Variants in PDE7B observed in about 807,000 individuals in gnomAD.
The protein encoded by PDE7B is 3',5'-cyclic-AMP phosphodiesterase 7B.
A neutral mutation model predicts 56.2 loss-of-function variants in PDE7B; 29 were observed. The observed-to-expected ratio is 0.52, with a 90% CI of 0.38 to 0.70. PDE7B has a LOEUF of 0.70. PDE7B is among the 30% of genes least tolerant of loss of function. The pLI, the probability that PDE7B is intolerant of heterozygous loss-of-function variation, is 0.00. For missense variants in PDE7B, 490 were observed against 565.0 expected, an observed-to-expected ratio of 0.87 and a Z score of 1.35; for synonymous variants, 197 against 196.9, an observed-to-expected ratio of 1.00 and a Z score of 0.00.
At chr6:136,019,251 C>T (rs1420354869) in intron 2 of PDE7B, among the ~76,000 whole-genome samples, 1 of 151,976 alleles carries the variant, frequency 6.6e-6, no homozygotes, top group Non-Finnish European at 1.5e-5. Flanking sequence ...TAGTAAATTA[C>T]AGGGTGCTTT....
At chr6:135,904,169 C>A (rs940877500) in intron 1 of PDE7B, among the ~76,000 whole-genome samples, 1 of 152,128 alleles carries the variant, frequency 6.6e-6, no homozygotes, top group African/African-American at 2.4e-5. Flanking sequence ...GCTTTTAAGG[C>A]CAGAATATTT....
chr6:136,041,723 C>A (rs1037817220), intron 2 of PDE7B, among the ~76,000 whole-genome samples: 1 of 152,162 alleles, frequency 6.6e-6, no homozygotes, highest in Non-Finnish European at 1.5e-5. Context: ...TGAACTGTAC[C>A]CAATTATTTA....
In PDE7B at chr6:136,194,061, AAG is replaced by A. The variant is rs929485416; in HGVS notation, c.*2225_*2226del. 2.0e-5 allele frequency: 3 copies of A among 152,116 alleles called. No homozygotes were observed. The highest frequency in any genetic ancestry group is 1.3e-4 in the Admixed American group (2 of 15,262). 9.4% of individuals were successfully genotyped at this position (152,116 alleles called of 1,614,324 possible). ...AGTTCTCAGCTTGGTGAGGCTCCAA[AAG>A]AGAATATGTCAGATGTATTCCTACT... On this transcript the variant is annotated 3_prime_UTR_variant, in exon 13 of 13. Transcript: ENST00000308191.
Position 135,957,196 on chromosome 6 carries a change from C to A in PDE7B, c.82+9672C>A, listed in dbSNP as rs1362111273. On this transcript the variant is annotated intron_variant, in intron 2 of 12. Coordinates refer to ENST00000308191, the MANE Select transcript of PDE7B (RefSeq NM_018945.4). ...TGGAAGAGTTTCCATCTGATTGCTT[C>A]CCTTCTTTTTAAGAAGGAAATATGG... Among the ~76,000 whole-genome samples, 4 of 152,030 alleles carry A rather than the reference C, an allele frequency of 2.6e-5. 1 individual carries two copies. Among genetic ancestry groups the A allele is most frequent in the Admixed American group, 2.0e-4 (3 of 15,266 alleles).
At chr6:135,998,030 T>G (rs537083488) in intron 2 of PDE7B, among the ~76,000 whole-genome samples, 1 of 152,300 alleles carries the variant, frequency 6.6e-6, no homozygotes, top group Non-Finnish European at 1.5e-5. Context: ...GTTAGGCAAG[T>G]CTCTACTGCA....
At chr6:135,969,397 A>T (rs1364301786) in intron 2 of PDE7B, among the ~76,000 whole-genome samples, 2 of 152,198 alleles carry the variant, frequency 1.3e-5, no homozygotes, top group Non-Finnish European at 2.9e-5. Flanking sequence ...TAGCTTTGAA[A>T]GAAACTTCTC....
At chr6:135,873,023 C>A (rs905469929) in intron 1 of PDE7B, among the ~76,000 whole-genome samples, 2 of 152,130 alleles carry the variant, frequency 1.3e-5, no homozygotes, top group African/African-American at 2.4e-5. Context: ...ATACTTCATT[C>A]TGTAAATAGA....
chr6:135,892,948 C>T (rs2128190380), intron 1 of PDE7B, among the ~76,000 whole-genome samples: 1 of 152,250 alleles, frequency 6.6e-6, no homozygotes, highest in South Asian at 2.1e-4. Flanking sequence ...TCTCTTCTAC[C>T]CATAATCTTG....
At position 135,946,702 on chromosome 6, in the gene PDE7B, C is replaced by T. The variant is rs113310250; in HGVS notation, c.22-762C>T. Among the ~76,000 whole-genome samples the T allele has an allele frequency of 7.9e-3, 1,206 of 152,118 alleles. 21 individuals are homozygous for T. Among genetic ancestry groups the T allele is most frequent in the African/African-American group, 0.027 (1,115 of 41,520 alleles). ...TTTATTGACCATTCAGATTTTTCCTCGTCTATGAATTGCTTGCTCATGTAC... is the reference window on the plus strand; with the variant it reads ...TTTATTGACCATTCAGATTTTTCCTTGTCTATGAATTGCTTGCTCATGTAC... On this transcript the variant is annotated intron_variant, in intron 1 of 12. Transcript: ENST00000308191.
intron 3 of PDE7B, among the ~76,000 whole-genome samples, chr6:136,138,550 G>C (rs1009933331): frequency 6.6e-6 from 1 of 151,992 alleles, no homozygotes; most frequent in Non-Finnish European, 1.5e-5. Context: ...TTCCCCTTTA[G>C]AAAGCTACCT....
At position 136,038,147 on chromosome 6, in the gene PDE7B, G is replaced by T. The variant is rs553510251; in HGVS notation, c.83-70584G>T. ...CGAAGCTGGAGAGGATCTTACGGGG[G>T]TTCGCTTTTCCCTGCCTGGGAAGAA... On this transcript the variant is annotated intron_variant, in intron 2 of 12. Transcript: ENST00000308191. 6 of 1,301,118 alleles carry T rather than the reference G, an allele frequency of 4.6e-6. No homozygotes were observed. The East Asian group carries it at 2.1e-4, about 45-fold the overall frequency. 80.6% of individuals were successfully genotyped at this position (1,301,118 alleles called of 1,614,324 possible). A position where few individuals can be genotyped will look rare whatever the true frequency, so the allele number is the denominator to read the frequency against.
rs1381984300 is a variant in PDE7B at position 135,935,212 on chromosome 6, ATATATT to A, written c.22-12250_22-12245del. 5.9e-4 allele frequency among the ~76,000 whole-genome samples: 54 copies of A among 92,272 alleles called. 11 individuals carry two copies. The highest frequency in any genetic ancestry group is 2.7e-3 in the African/African-American group (52 of 19,364). The allele number at this position is 92,272 out of a possible 152,430, so 60.5% of individuals were successfully genotyped here. A position where few individuals can be genotyped will look rare whatever the true frequency, so the allele number is the denominator to read the frequency against. On this transcript the variant is annotated intron_variant, in intron 1 of 12. Transcript: ENST00000308191. ...TATTTATATATATATATATATATAT[ATATATT>A]TTCATGATTCTTGCTCTCCAGGAAA...
intron 11 of PDE7B, among the ~76,000 whole-genome samples, chr6:136,183,509 T>A (rs1779100081): frequency 6.9e-6 from 1 of 144,592 alleles, no homozygotes. Context: ...GGCAGGAGAA[T>A]GGCATGAACC....
intron 8 of PDE7B, among the ~76,000 whole-genome samples, chr6:136,171,249 T>C (rs1445206323): frequency 2.0e-5 from 3 of 152,162 alleles, no homozygotes; most frequent in Non-Finnish European, 4.4e-5. Flanking sequence ...AGGACAGGAA[T>C]GTTAAGATAA....
chr6:136,147,499 A>T lies in PDE7B; in HGVS notation c.315A>T (p.Ala105=). 1 of 1,613,724 alleles carries T rather than the reference A, an allele frequency of 6.2e-7. No individual in the cohort carries two copies. Among genetic ancestry groups the T allele is most frequent in the South Asian group, 1.1e-5 (1 of 91,060 alleles). Residue 105 remains alanine (A), a synonymous_variant, in exon 4 of 13, where the codon GCA becomes GCT. Transcript: ENST00000308191. ...TGGATGAAGACTACCTTGGACAAGC[A>T]AGGGTAAGCTGACTGCCCCATCTCC... is the stretch of plus-strand genomic sequence containing the variant. ...HLLDEDYLGQ[A]RHMLSKVGMW...
chr6:135,996,669 C>G (rs893296247), intron 2 of PDE7B, among the ~76,000 whole-genome samples: 4 of 152,148 alleles, frequency 2.6e-5, no homozygotes, highest in African/African-American at 4.8e-5. Flanking sequence ...GTGTCAAATG[C>G]TAAACAGCAG....
intron 4 of PDE7B, among the ~76,000 whole-genome samples, chr6:136,148,665 T>C (rs1038088319): frequency 6.6e-6 from 1 of 152,116 alleles, no homozygotes; most frequent in Non-Finnish European, 1.5e-5. Context: ...AAGCCTTAAC[T>C]TCCCCAGCCC....
chr6:136,150,112 CAG>C (rs374815369), intron 5 of PDE7B, among the ~76,000 whole-genome samples: 101 of 152,196 alleles, frequency 6.6e-4, no homozygotes, highest in African/African-American at 2.3e-3. Context: ...GACCACATGA[CAG>C]AGATTTTCTT....
Position 135,964,195 on chromosome 6 carries a change from G to A in PDE7B, c.82+16671G>A, listed in dbSNP as rs115058042. ...CTCGGCTCATTGCGACCTCCGCCACGAGGGTTCAAGTGAGTCTCCTGCCTC... is the reference window on the plus strand; with the variant it reads ...CTCGGCTCATTGCGACCTCCGCCACAAGGGTTCAAGTGAGTCTCCTGCCTC... On this transcript the variant is annotated intron_variant, in intron 2 of 12. Transcript: ENST00000308191. Among the ~76,000 whole-genome samples the A allele has an allele frequency of 5.6e-3, 856 of 151,736 alleles. 7 individuals are homozygous for A. The highest frequency in any genetic ancestry group is 0.02 in the African/African-American group (808 of 41,376).
Sources: allele counts gnomAD v4.1 joint callset (sites outside exome capture counted in the v4.1 genomes callset), GRCh38; gene constraint gnomAD v4.1.1; transcripts MANE v1.5; gene names NCBI Gene and HGNC (gene_info 2026-07-23, HGNC 2026-07-21).